Variants in RBM47 observed in about 807,000 individuals in gnomAD.
RBM47 encodes RNA binding motif protein 47.
In RBM47, 21 loss-of-function variants were observed where a neutral mutation model predicts 47.1. The observed-to-expected ratio is 0.45, with a 90% CI of 0.32 to 0.64. The LOEUF (loss-of-function observed/expected upper bound fraction) is 0.64, where lower values mean the gene tolerates loss of function less well. RBM47 is among the 30% of genes least tolerant of loss of function. The probability of loss-of-function intolerance (pLI) is 0.05; values close to 1 mark genes in which losing one functional copy is unlikely to be tolerated. For synonymous variants in RBM47, 375 were observed against 361.7 expected (o/e 1.04, Z -0.42); for missense variants, 708 against 870.9 (o/e 0.81, Z 2.35).
rs1031607024 is a variant in RBM47, at chr4:40,473,479, A to G, written c.-154-6780T>C. 3.9e-5 allele frequency among the ~76,000 whole-genome samples: 6 copies of G among 152,340 alleles called. No homozygotes were observed. The East Asian group carries it at 9.6e-4, about 24-fold the overall frequency. On this transcript the variant is annotated intron_variant, in intron 2 of 6. Transcript: ENST00000295971. ...CTTCAGAGTCAACATGAGGAGTTAA[A>G]CCTGAATGGCAAATTCATGAATTGT... is the stretch of plus-strand genomic sequence containing the variant.
chr4:40,506,113 C>G (rs1010735016), intron 2 of RBM47, among the ~76,000 whole-genome samples: 2 of 152,088 alleles, frequency 1.3e-5, no homozygotes, highest in African/African-American at 4.8e-5. Context: ...AAAAATGAAA[C>G]AGTAGGTATT....
At chr4:40,594,633 G>A (rs1321607935) in intron 1 of RBM47, among the ~76,000 whole-genome samples, 1 of 152,028 alleles carries the variant, frequency 6.6e-6, no homozygotes, top group Non-Finnish European at 1.5e-5. Context: ...TTCCCTATAT[G>A]CAACCTGATA....
rs867540653 is a variant in RBM47 at position 40,438,053 on chromosome 4, G to T, written c.841C>A (p.Arg281Ser). The change falls in exon 4 of 7, where the codon CGC (arginine) becomes AGC (serine). Residue 281 changes from arginine (R) to serine (S), a missense_variant. Transcript: ENST00000295971. ...PGCVERVKKI[R>S]DYAFVHFTSR... ...GTGAAGTGCACGAAGGCGTAGTCGC[G>T]GATCTTCTTGACGCGCTCCACGCAG... 1 of 1,613,636 alleles carries T rather than the reference G, an allele frequency of 6.2e-7. No individual in the cohort carries two copies. Among genetic ancestry groups the T allele is most frequent in the Non-Finnish European group, 8.5e-7 (1 of 1,180,048 alleles).
intron 2 of RBM47, chr4:40,543,920 A>G (rs938153864): frequency 5.9e-5 from 9 of 152,170 alleles, no homozygotes; most frequent in Non-Finnish European, 1.0e-4. Context: ...AAAGAAAAAA[A>G]AAAAAAAAAC....
chr4:40,488,624 C>A (rs1327056194), intron 2 of RBM47, among the ~76,000 whole-genome samples: 63 of 152,228 alleles, frequency 4.1e-4, no homozygotes, highest in Non-Finnish European at 1.3e-4. Context: ...ATCTCAGCAC[C>A]TGGTAGCAAA....
Position 40,540,176 on chromosome 4 carries a change from T to C in RBM47, c.-155+4246A>G, listed in dbSNP as rs140667714. The stretch of plus-strand genomic sequence containing the variant: ...TTGATCAAGGAAAATATGCTTGCTG[T>C]GGCTTGAGAAAAATCAAGGCCCCAA... On this transcript the variant is annotated intron_variant, in intron 2 of 6. Transcript: ENST00000295971. 4.4e-3 allele frequency among the ~76,000 whole-genome samples: 664 copies of C among 152,290 alleles called. 3 individuals carry two copies. The highest frequency in any genetic ancestry group is 7.1e-3 in the Non-Finnish European group (484 of 68,020).
At chr4:40,529,620 A>T (rs1727162857) in intron 2 of RBM47, among the ~76,000 whole-genome samples, 1 of 150,388 alleles carries the variant, frequency 6.6e-6, no homozygotes, top group South Asian at 2.1e-4. Context: ...GATCACCCGA[A>T]GAGCTCGAGA....
chr4:40,533,973 G>A (rs111828242), intron 2 of RBM47, among the ~76,000 whole-genome samples: 2,537 of 151,870 alleles, frequency 0.017, 72 homozygotes, highest in African/African-American at 0.056. Context: ...GCACCACCAC[G>A]CCCGGCTAAT....
At position 40,576,240 on chromosome 4, in the gene RBM47, GT is replaced by G. The variant is rs143760914; in HGVS notation, c.-239-31735del. ...ATTTCTTTTTTTCTTTCTCTTTTCTGTTTTTTTTTTTTTTTTGGGGGGGGGC... is the reference window on the plus strand; with the variant it reads ...ATTTCTTTTTTTCTTTCTCTTTTCTGTTTTTTTTTTTTTTTGGGGGGGGGC... On this transcript the variant is annotated intron_variant, in intron 1 of 6. Transcript: ENST00000295971. Among the ~76,000 whole-genome samples, 707 of 114,998 alleles carry G rather than the reference GT, an allele frequency of 6.1e-3. 8 individuals are homozygous for G. Among genetic ancestry groups the G allele is most frequent in the African/African-American group, 0.019 (535 of 28,134 alleles). The allele number at this position is 114,998 out of a possible 152,430, so 75.4% of individuals were successfully genotyped here.
chr4:40,580,544 C>T (rs1359716410), intron 1 of RBM47, among the ~76,000 whole-genome samples: 1 of 152,102 alleles, frequency 6.6e-6, no homozygotes, highest in African/African-American at 2.4e-5. Context: ...GGTTTAAAGG[C>T]CTTGAAATTT....
intron 6 of RBM47, among the ~76,000 whole-genome samples, chr4:40,428,788 C>T (rs1024135933): frequency 2.6e-5 from 4 of 152,128 alleles, no homozygotes; most frequent in African/African-American, 9.7e-5. Context: ...ATAGCATTCA[C>T]CACACTATAA....
chr4:40,593,419 G>A (rs80070962), intron 1 of RBM47, among the ~76,000 whole-genome samples: 10 of 152,186 alleles, frequency 6.6e-5, no homozygotes, highest in Middle Eastern at 3.4e-3. Context: ...CTGGAAGATC[G>A]CTTTAGAAAT....
chr4:40,609,990 G>C (rs568960034), intron 1 of RBM47, among the ~76,000 whole-genome samples: 1 of 152,184 alleles, frequency 6.6e-6, no homozygotes, highest in East Asian at 1.9e-4. Context: ...TATTCAGGAG[G>C]CTGAGGCAGG....
intron 2 of RBM47, among the ~76,000 whole-genome samples, chr4:40,541,733 T>A (rs1277960873): frequency 1.3e-5 from 2 of 151,300 alleles, no homozygotes; most frequent in Non-Finnish European, 2.9e-5. Context: ...AGCAAAACTC[T>A]GTCTCAAAAA....
intron 4 of RBM47, among the ~76,000 whole-genome samples, chr4:40,437,178 T>TATATATATAATAC (rs1712771648): frequency 7.4e-6 from 1 of 134,680 alleles, no homozygotes; most frequent in Non-Finnish European, 1.6e-5. Context: ...ATATAATACA[T>TATATATATAATAC]ATATATATAC....
At chr4:40,607,036 G>A (rs945241564) in intron 1 of RBM47, among the ~76,000 whole-genome samples, 6 of 152,028 alleles carry the variant, frequency 3.9e-5, no homozygotes, top group East Asian at 1.9e-4. Flanking sequence ...TTTATCTTCC[G>A]TAAATCACAA....
intron 2 of RBM47, among the ~76,000 whole-genome samples, chr4:40,516,154 CTT>C (rs1246265468): frequency 6.6e-6 from 1 of 152,120 alleles, no homozygotes; most frequent in Non-Finnish European, 1.5e-5. Flanking sequence ...CCGGGCCTCC[CTT>C]TTTCTCTTTT....
intron 2 of RBM47, chr4:40,475,757 G>A (rs983705463): frequency 6.6e-6 from 1 of 152,098 alleles, no homozygotes; most frequent in Non-Finnish European, 1.5e-5. Flanking sequence ...AGCAACCTTC[G>A]CTCCCAATAC....
intron 3 of RBM47, among the ~76,000 whole-genome samples, chr4:40,459,576 T>G (rs554680420): frequency 1.3e-5 from 2 of 152,116 alleles, no homozygotes; most frequent in South Asian, 4.2e-4. Flanking sequence ...TAAAAAAAAT[T>G]AATAATAAAA....
Sources: gnomAD v4.1 joint callset for allele counts (sites outside exome capture counted in the v4.1 genomes callset) on GRCh38, gnomAD v4.1.1 for gene constraint, MANE v1.5 for transcripts, NCBI Gene and HGNC (gene_info 2026-07-23, HGNC 2026-07-21) for gene names.